MAP3K20: variants seen among roughly 807,000 people sequenced by gnomAD.
MAP3K20 encodes the protein HCCS-4.
MAP3K20 carries 40 observed loss-of-function variants against 85.7 expected under a neutral mutation model. The ratio of observed to expected loss-of-function variants is 0.47; its 90% CI spans 0.36 to 0.61. The LOEUF (loss-of-function observed/expected upper bound fraction) is 0.61. MAP3K20 is among the 20% of genes least tolerant of loss of function. The pLI is 0.00. For synonymous variants in MAP3K20, 325 were observed against 327.7 expected, an observed-to-expected ratio of 0.99 and a Z score of 0.09; for missense variants, 817 against 961.7, an observed-to-expected ratio of 0.85 and a Z score of 1.99.
chr2:173,260,985 C>A, intron 17 of MAP3K20, 78 bp from the exon 18 acceptor site: 1 of 1,356,822 alleles, frequency 7.4e-7, no homozygotes, highest in Non-Finnish European at 1.0e-6. Flanking sequence ...GTGTATGGCA[C>A]AACCGGCCTC....
intron 4 of MAP3K20, among the ~76,000 whole-genome samples, chr2:173,183,829 C>T (rs1049409512): frequency 6.6e-6 from 1 of 152,176 alleles, no homozygotes; most frequent in Non-Finnish European, 1.5e-5. Flanking sequence ...ATTTAGCACT[C>T]AGTAAGGGGA....
chr2:173,101,561 G>T (rs1396006113), intron 2 of MAP3K20, among the ~76,000 whole-genome samples: 1 of 152,186 alleles, frequency 6.6e-6, no homozygotes, highest in Non-Finnish European at 1.5e-5. Flanking sequence ...AGTAGCTGAT[G>T]TTATACAAAG....
Position 173,266,793 on chromosome 2 carries a change from A to G in MAP3K20, c.*43A>G, listed in dbSNP as rs757918645. On this transcript the variant is annotated 3_prime_UTR_variant, in exon 20 of 20. Coordinates refer to ENST00000375213, the MANE Select transcript of MAP3K20 (RefSeq NM_016653.3). ...CTTTTCTAAGCAGGTTAAAAAAAAA[A>G]AAAAAAAGAAATGTAATGGTTTTTG... The G allele has an allele frequency of 7.3e-6, 10 of 1,367,622 alleles. No homozygotes were observed. Among genetic ancestry groups the G allele is most frequent in the Non-Finnish European group, 9.6e-6 (10 of 1,043,788 alleles). The allele number at this position is 1,367,622 out of a possible 1,614,324, so 84.7% of individuals were successfully genotyped here. A position where few individuals can be genotyped will look rare whatever the true frequency, so the allele number is the denominator to read the frequency against.
At chr2:173,194,883 C>A (rs1315187577) in intron 7 of MAP3K20, among the ~76,000 whole-genome samples, 1 of 152,136 alleles carries the variant, frequency 6.6e-6, no homozygotes, top group Non-Finnish European at 1.5e-5. Context: ...CAGCCCTCCC[C>A]AGGTTGATAA....
At chr2:173,223,045 C>T in intron 11 of MAP3K20, 1 of 985,406 alleles carries the variant, frequency 1.0e-6, no homozygotes, top group East Asian at 1.1e-4. Flanking sequence ...AACAGTATTT[C>T]TAACTATATT....
intron 2 of MAP3K20, among the ~76,000 whole-genome samples, chr2:173,153,770 C>T (rs1689373728): frequency 6.6e-6 from 1 of 152,146 alleles, no homozygotes; most frequent in Non-Finnish European, 1.5e-5. Flanking sequence ...GTAGTATTTG[C>T]ACAGAACCTA....
chr2:173,228,619 T>G (rs149252156), intron 11 of MAP3K20, among the ~76,000 whole-genome samples: 1 of 152,256 alleles, frequency 6.6e-6, no homozygotes, highest in East Asian at 1.9e-4. Context: ...TAAACCGAGA[T>G]TCAGGTGACC....
chr2:173,266,957 C>T lies in MAP3K20; in HGVS notation c.*207C>T. 2.4e-6 allele frequency: 1 copy of T among 409,808 alleles called. No homozygotes were observed. The highest frequency in any genetic ancestry group is 4.3e-6 in the Non-Finnish European group (1 of 235,026). 25.4% of individuals were successfully genotyped at this position (409,808 alleles called of 1,614,324 possible). On this transcript the variant is annotated 3_prime_UTR_variant, in exon 20 of 20. Coordinates refer to ENST00000375213, the MANE Select transcript of MAP3K20 (RefSeq NM_016653.3). ...TGGTCACCCAGTGATCATAACTAGG[C>T]TTGAAAATCACTACACATATTTTCT... is the stretch of plus-strand genomic sequence containing the variant.
chr2:173,196,083 GGC>G (rs1690825906), intron 7 of MAP3K20, among the ~76,000 whole-genome samples: 1 of 58,024 alleles, frequency 1.7e-5, no homozygotes, highest in African/African-American at 3.8e-5. Context: ...ACATGTACAC[GGC>G]GTGTTTATCA....
chr2:173,232,483 C>A, intron 14 of MAP3K20, 24 bp downstream of exon 14: 6 of 1,606,616 alleles, frequency 3.7e-6, no homozygotes, highest in Non-Finnish European at 5.1e-6. Context: ...GGACAACATT[C>A]CATCAGCAAA....
At position 173,178,230 on chromosome 2, in the gene MAP3K20, T is replaced by C. The variant is rs1477198469; in HGVS notation, c.248-4624T>C. 2.0e-5 allele frequency among the ~76,000 whole-genome samples: 3 copies of C among 152,362 alleles called. No individual in the cohort carries two copies. The East Asian group carries it at 5.8e-4, about 29-fold the overall frequency. On this transcript the variant is annotated intron_variant, in intron 3 of 19. Transcript: ENST00000375213. Reference sequence around the variant, plus strand: ...GGCTCCTGCAGAAGTTTATAAGGATTATAAAGAAATGTTATGACAGTCTTT... The same window carrying C: ...GGCTCCTGCAGAAGTTTATAAGGATCATAAAGAAATGTTATGACAGTCTTT...
chr2:173,215,116 G>A (rs1684031667), intron 10 of MAP3K20, among the ~76,000 whole-genome samples: 1 of 152,150 alleles, frequency 6.6e-6, no homozygotes, highest in Admixed American at 6.5e-5. Context: ...ATGCATCTTT[G>A]GCTTAAATTA....
chr2:173,138,418 G>A (rs1470052232), intron 2 of MAP3K20, among the ~76,000 whole-genome samples: 1 of 152,158 alleles, frequency 6.6e-6, no homozygotes, highest in African/African-American at 2.4e-5. Flanking sequence ...TTGTAATATG[G>A]GGAAGATTTG....
intron 11 of MAP3K20, chr2:173,224,327 T>C (rs1574134009): frequency 2.0e-6 from 2 of 985,394 alleles, no homozygotes; most frequent in Non-Finnish European, 2.4e-6. Flanking sequence ...TTAAGAATGA[T>C]CAGCAATACG....
Position 173,266,041 on chromosome 2 carries a change from C to A in MAP3K20, c.1703-9C>A, listed in dbSNP as rs1050247536. On this transcript the variant is annotated splice_polypyrimidine_tract_variant and intron_variant, in intron 19 of 19. Transcript: ENST00000375213. ...GCTTAAAAGATGCTCATTTCCATTTCTCCCGCAGGTGCTGATTGCCAGTGG... is the reference window on the plus strand; with the variant it reads ...GCTTAAAAGATGCTCATTTCCATTTATCCCGCAGGTGCTGATTGCCAGTGG... 7.1e-6 allele frequency: 11 copies of A among 1,551,694 alleles called. No homozygotes were observed. The highest frequency in any genetic ancestry group is 9.6e-6 in the Non-Finnish European group (11 of 1,145,068).
intron 5 of MAP3K20, among the ~76,000 whole-genome samples, chr2:173,190,517 T>C (rs1330123626): frequency 6.6e-6 from 1 of 152,140 alleles, no homozygotes; most frequent in African/African-American, 2.4e-5. Flanking sequence ...AATCACTCAG[T>C]TGGGAGGAAA....
At chr2:173,154,831 G>T (rs1412096213) in intron 2 of MAP3K20, among the ~76,000 whole-genome samples, 1 of 152,146 alleles carries the variant, frequency 6.6e-6, no homozygotes, top group Non-Finnish European at 1.5e-5. Flanking sequence ...TGAAAGAAAA[G>T]ATCAGAATTC....
At chr2:173,148,710 A>G (rs1414700716) in intron 2 of MAP3K20, among the ~76,000 whole-genome samples, 1 of 152,230 alleles carries the variant, frequency 6.6e-6, no homozygotes, top group Non-Finnish European at 1.5e-5. Context: ...ATTGTTTAAC[A>G]GGAAATGTGT....
chr2:173,152,882 G>A (rs148227279), intron 2 of MAP3K20, among the ~76,000 whole-genome samples: 2 of 152,284 alleles, frequency 1.3e-5, no homozygotes, highest in Non-Finnish European at 2.9e-5. Context: ...TCTAGGGAAT[G>A]CTGGTAGCTG....
Sources: allele counts gnomAD v4.1 joint callset (sites outside exome capture counted in the v4.1 genomes callset), GRCh38; gene constraint gnomAD v4.1.1; transcripts MANE v1.5; gene names NCBI Gene and HGNC (gene_info 2026-07-23, HGNC 2026-07-21).